Variants in ARHGAP17 observed in about 807,000 individuals in gnomAD.
ARHGAP17 encodes rho GTPase-activating protein 17.
ARHGAP17 carries 57 observed loss-of-function variants against 99.5 expected under a neutral mutation model. The ratio of observed to expected loss-of-function variants is 0.57; its 90% CI spans 0.46 to 0.71. ARHGAP17 has a LOEUF of 0.71. Among genes scored for constraint, ARHGAP17 ranks in the 30% least tolerant of loss-of-function variants. ARHGAP17 has a pLI of 0.00. For synonymous variants in ARHGAP17, 417 were observed against 429.6 expected (o/e 0.97, Z 0.36); for missense variants, 1,000 against 1,122.4 (o/e 0.89, Z 1.56).
intron 1 of ARHGAP17, among the ~76,000 whole-genome samples, chr16:25,009,768 G>A (rs909283042): frequency 3.3e-5 from 5 of 152,092 alleles, no homozygotes; most frequent in Non-Finnish European, 5.9e-5. Flanking sequence ...TGTCTCTTGC[G>A]AGCTTGATGA....
In ARHGAP17 at chr16:24,985,185, ACC is replaced by A. The variant is rs201758689; in HGVS notation, c.54-6182_54-6181del. Among the ~76,000 whole-genome samples, 193 of 111,942 alleles carry A rather than the reference ACC, an allele frequency of 1.7e-3. No individual in the cohort carries two copies. In the South Asian group the frequency reaches 0.034, roughly 20 times the overall value. 73.4% of individuals were successfully genotyped at this position (111,942 alleles called of 152,430 possible). ...GATGCTACTGACTATCCTAAATGCA[ACC>A]CCACACACACACACACACACTAAAT... is the stretch of plus-strand genomic sequence containing the variant. On this transcript the variant is annotated intron_variant, in intron 1 of 19. Transcript: ENST00000289968.
At chr16:24,965,452 G>A (rs1181091286) in intron 6 of ARHGAP17, among the ~76,000 whole-genome samples, 1 of 152,152 alleles carries the variant, frequency 6.6e-6, no homozygotes, top group Non-Finnish European at 1.5e-5. Context: ...CTCCAGCCTG[G>A]GGACAGAGTG....
At chr16:25,014,612 C>G (rs1367617602) in intron 1 of ARHGAP17, among the ~76,000 whole-genome samples, 1 of 152,218 alleles carries the variant, frequency 6.6e-6, no homozygotes, top group African/African-American at 2.4e-5. Context: ...AGTCCAGTTC[C>G]TAGGAGCCCT....
At chr16:24,937,006 T>G (rs1489543645) in intron 17 of ARHGAP17, among the ~76,000 whole-genome samples, 1 of 151,290 alleles carries the variant, frequency 6.6e-6, no homozygotes, top group African/African-American at 2.4e-5. Flanking sequence ...ATAGTCCCAG[T>G]TGGGAGGCTG....
chr16:24,977,205 T>C lies in ARHGAP17; in HGVS notation c.198+10A>G. ...AGGAACTGTGGGTCTGAGTCACATC[T>C]GATACTCACGTGTCTCCTCTCGGCA... On this transcript the variant is annotated intron_variant, in intron 3 of 19. Transcript: ENST00000289968. 2 of 1,566,946 alleles carry C rather than the reference T, an allele frequency of 1.3e-6. No homozygotes were observed. The highest frequency in any genetic ancestry group is 1.7e-5 in the Admixed American group (1 of 57,680).
intron 3 of ARHGAP17, 98 bp downstream of exon 3, chr16:24,977,117 G>T: frequency 1.1e-6 from 1 of 903,004 alleles, no homozygotes; most frequent in African/African-American, 1.7e-5. Flanking sequence ...ACCAAAGGCT[G>T]ATCCACTGAT....
intron 1 of ARHGAP17, among the ~76,000 whole-genome samples, chr16:24,998,428 T>A (rs1490716983): frequency 6.6e-6 from 1 of 151,284 alleles, no homozygotes; most frequent in East Asian, 2.0e-4. Flanking sequence ...TCCAGGCAGG[T>A]GGGTGGTGAC....
chr16:25,003,230 CTTTTTTTTTTTT>C (rs564573463), intron 1 of ARHGAP17, among the ~76,000 whole-genome samples: 11,415 of 90,952 alleles, frequency 0.13, 1,626 homozygotes, highest in African/African-American at 0.37. Context: ...AGCTTTAAAG[CTTTTTTTTTTTT>C]TTTTTTTTTT....
intron 15 of ARHGAP17, among the ~76,000 whole-genome samples, chr16:24,943,440 T>C (rs1446938954): frequency 6.6e-6 from 1 of 152,246 alleles, no homozygotes; most frequent in East Asian, 1.9e-4. Context: ...GTGCCTTGTG[T>C]TATAATTTAT....
chr16:24,953,693 C>T (rs2051715617), intron 10 of ARHGAP17, among the ~76,000 whole-genome samples: 1 of 152,132 alleles, frequency 6.6e-6, no homozygotes, highest in Admixed American at 6.6e-5. Context: ...CATAAATTAC[C>T]CAGGCTCAGG....
At chr16:24,949,551 T>A (rs1479948131) in intron 12 of ARHGAP17, 67 bp from the exon 13 acceptor site, 3 of 1,399,792 alleles carry the variant, frequency 2.1e-6, no homozygotes, top group African/African-American at 2.9e-5. Context: ...ATATGCTATG[T>A]TAAAAATGAG....
chr16:25,001,538 A>C (rs1034130380), intron 1 of ARHGAP17, among the ~76,000 whole-genome samples: 1 of 152,196 alleles, frequency 6.6e-6, no homozygotes, highest in Non-Finnish European at 1.5e-5. Flanking sequence ...CTTTATACAA[A>C]AGTAAGAGAG....
intron 3 of ARHGAP17, among the ~76,000 whole-genome samples, chr16:24,975,132 A>G (rs1475751106): frequency 1.3e-5 from 2 of 152,252 alleles, no homozygotes; most frequent in Admixed American, 1.3e-4. Context: ...CAGCACGGAC[A>G]ACAGAGTGAG....
At chr16:24,980,066 G>A (rs1213058885) in intron 1 of ARHGAP17, among the ~76,000 whole-genome samples, 1 of 152,196 alleles carries the variant, frequency 6.6e-6, no homozygotes, top group Non-Finnish European at 1.5e-5. Flanking sequence ...GAACAGTGAA[G>A]GGAGTCAGGG....
intron 1 of ARHGAP17, among the ~76,000 whole-genome samples, chr16:25,007,963 CA>C (rs2053551184): frequency 6.6e-6 from 1 of 152,144 alleles, no homozygotes; most frequent in Non-Finnish European, 1.5e-5. Context: ...CTGCAGTCCC[CA>C]CATTCCCTAC....
intron 1 of ARHGAP17, among the ~76,000 whole-genome samples, chr16:24,983,997 T>G (rs547209073): frequency 6.6e-6 from 1 of 152,320 alleles, no homozygotes; most frequent in South Asian, 2.1e-4. Context: ...AATAGGATGT[T>G]TCACTGAGCT....
chr16:25,015,284 C>A lies in ARHGAP17; in HGVS notation c.-23G>T. 7.5e-7 allele frequency: 1 copy of A among 1,326,822 alleles called. No individual in the cohort carries two copies. Among genetic ancestry groups the A allele is most frequent in the South Asian group, 2.1e-5 (1 of 47,970 alleles). The allele number at this position is 1,326,822 out of a possible 1,614,324, so 82.2% of individuals were successfully genotyped here. ...CATGGCGGCGGTGGCGGCGGCGGCC[C>A]GCGGGGCTCGGGCCGGGCAGGGCGG... On this transcript the variant is annotated 5_prime_UTR_variant, in exon 1 of 20. Coordinates refer to ENST00000289968, the MANE Select transcript of ARHGAP17 (RefSeq NM_001006634.3).
intron 18 of ARHGAP17, among the ~76,000 whole-genome samples, chr16:24,932,404 G>A (rs916548582): frequency 6.6e-6 from 1 of 152,120 alleles, no homozygotes; most frequent in Non-Finnish European, 1.5e-5. Context: ...CCAATGACAC[G>A]GAAGTGCTGC....
intron 17 of ARHGAP17, among the ~76,000 whole-genome samples, chr16:24,938,952 T>C (rs1294908684): frequency 1.3e-5 from 2 of 152,104 alleles, no homozygotes; most frequent in Non-Finnish European, 2.9e-5. Context: ...AATCAACGAA[T>C]GGGTGAATAA....
Sources: allele counts gnomAD v4.1 joint callset (sites outside exome capture counted in the v4.1 genomes callset), GRCh38; gene constraint gnomAD v4.1.1; transcripts MANE v1.5; gene names NCBI Gene and HGNC (gene_info 2026-07-23, HGNC 2026-07-21).